Variants in LMNA observed in about 807,000 individuals in gnomAD.
LMNA encodes lamin.
Under a neutral mutation model 70.4 loss-of-function variants are expected in LMNA, and 20 were observed. The observed-to-expected ratio is 0.28, with a 90% CI of 0.20 to 0.41. LMNA has a LOEUF of 0.41. Among genes scored for constraint, LMNA ranks in the 10% least tolerant of loss-of-function variants. The probability of loss-of-function intolerance (pLI) is 1.00; values close to 1 mark genes in which losing one functional copy is unlikely to be tolerated. For missense variants in LMNA, 652 were observed against 917.2 expected (o/e 0.71, Z 3.73); for synonymous variants, 339 against 372.8 (o/e 0.91, Z 1.04).
chr1:156,106,108 C>A (rs901049540), intron 3 of LMNA, among the ~76,000 whole-genome samples: 3 of 151,510 alleles, frequency 2.0e-5, no homozygotes, highest in Admixed American at 6.6e-5. Flanking sequence ...ACACTCCAGC[C>A]TGGGAGACAC....
At chr1:156,129,210 T>C (rs1572350814) in intron 1 of LMNA, among the ~76,000 whole-genome samples, 1 of 152,238 alleles carries the variant, frequency 6.6e-6, no homozygotes, top group South Asian at 2.1e-4. Context: ...ACTGAGCAAG[T>C]GTGCAGGCTG....
intron 2 of LMNA, among the ~76,000 whole-genome samples, chr1:156,084,340 G>GCGGGGA: frequency 7.9e-6 from 1 of 126,234 alleles, no homozygotes; most frequent in Non-Finnish European, 1.7e-5. Flanking sequence ...GGGGGTGGTG[G>GCGGGGA]GGGCAGTTGG....
At chr1:156,127,779 C>T (rs1217642198) in intron 1 of LMNA, among the ~76,000 whole-genome samples, 1 of 151,850 alleles carries the variant, frequency 6.6e-6, no homozygotes, top group Non-Finnish European at 1.5e-5. Context: ...CTCCGCCTCC[C>T]AGGCTCAAGC....
chr1:156,114,965 C>G lies in LMNA; in HGVS notation c.47C>G (p.Ala16Gly). The G allele has an allele frequency of 6.3e-7, 1 of 1,587,468 alleles. No individual in the cohort carries two copies. The highest frequency in any genetic ancestry group is 8.6e-7 in the Non-Finnish European group (1 of 1,167,458). Residue 16 changes from alanine (A) to glycine (G), a missense_variant, in exon 1 of 12, where the codon GCC becomes GGC. By Grantham distance (60) the Ala-to-Gly change is moderately conservative. Transcript: ENST00000368300. The part of the protein sequence containing the change: ...QRRATRSGAQ[A>G]SSTPLSPTRI... ...CGCGCCACCCGCAGCGGGGCGCAGGCCAGCTCCACTCCGCTGTCGCCCACC... is the reference window on the plus strand; with the variant it reads ...CGCGCCACCCGCAGCGGGGCGCAGGGCAGCTCCACTCCGCTGTCGCCCACC...
intron 3 of LMNA, among the ~76,000 whole-genome samples, chr1:156,095,930 T>C (rs1174176818): frequency 6.6e-6 from 1 of 152,222 alleles, no homozygotes; most frequent in Non-Finnish European, 1.5e-5. Context: ...GGGTATGGAT[T>C]GGCTCCAGCT....
chr1:156,088,826 T>A (rs1309943770), intron 2 of LMNA, among the ~76,000 whole-genome samples: 1 of 151,950 alleles, frequency 6.6e-6, no homozygotes, highest in Non-Finnish European at 1.5e-5. Flanking sequence ...CTTGTTTTTG[T>A]TATTTTTAGT....
intron 1 of LMNA, among the ~76,000 whole-genome samples, chr1:156,122,013 A>G (rs548459064): frequency 6.6e-6 from 1 of 152,140 alleles, no homozygotes; most frequent in African/African-American, 2.4e-5. Flanking sequence ...AAAATTAACC[A>G]GAAATCGCTT....
At chr1:156,114,014 C>T (rs1038995039), upstream of LMNA, among the ~76,000 whole-genome samples, 4 of 152,034 alleles carry the variant, frequency 2.6e-5, no homozygotes, top group East Asian at 3.9e-4. Context: ...GGTCTAAAAA[C>T]GAATGCTTGG....
chr1:156,093,731 C>G (rs994611155), intron 3 of LMNA: 6 of 152,226 alleles, frequency 3.9e-5, no homozygotes, highest in Admixed American at 2.0e-4. Context: ...TCTTTGAGAA[C>G]AGGGATTGGA....
chr1:156,104,011 C>G (rs551242780), intron 3 of LMNA, among the ~76,000 whole-genome samples: 18 of 152,332 alleles, frequency 1.2e-4, no homozygotes, highest in African/African-American at 1.9e-4. Flanking sequence ...TTGGCTCCCC[C>G]CTTCACAGCC....
In LMNA at chr1:156,138,459, T is replaced by A. The variant is rs1651852861; in HGVS notation, c.1699-29T>A. Reference sequence around the variant, plus strand: ...TGAGTGGTCAGTCCCAGACTCGCCGTCCCGCCTGAGCCTTGTCTCCCTTCC... The same window carrying A: ...TGAGTGGTCAGTCCCAGACTCGCCGACCCGCCTGAGCCTTGTCTCCCTTCC... On this transcript the variant is annotated intron_variant, in intron 10 of 11. Coordinates refer to ENST00000368300, the MANE Select transcript of LMNA (RefSeq NM_170707.4). The surrounding 1 kb of genome is among the most constrained non-coding windows in gnomAD (Gnocchi z 5.5). The A allele has an allele frequency of 6.2e-7, 1 of 1,607,314 alleles. No individual in the cohort carries two copies. The highest frequency in any genetic ancestry group is 1.1e-5 in the South Asian group (1 of 90,104).
intron 2 of LMNA, among the ~76,000 whole-genome samples, chr1:156,086,978 G>A (rs1648504190): frequency 6.6e-6 from 1 of 151,952 alleles, no homozygotes; most frequent in Non-Finnish European, 1.5e-5. Flanking sequence ...GCACTTCTGG[G>A]CACCTGTTAT....
At chr1:156,114,091 G>A (rs1649643896), upstream of LMNA, among the ~76,000 whole-genome samples, 1 of 152,158 alleles carries the variant, frequency 6.6e-6, no homozygotes, top group Non-Finnish European at 1.5e-5. Context: ...CTTGATCCCT[G>A]GCCCCAAACT....
rs144740174 is a variant in LMNA at position 156,137,225 on chromosome 1, C to G, written c.1601C>G (p.Thr534Ser). 4 of 1,584,008 alleles carry G rather than the reference C, an allele frequency of 2.5e-6. No homozygotes were observed. Among genetic ancestry groups the G allele is most frequent in the Non-Finnish European group, 2.6e-6 (3 of 1,167,406 alleles). The part of the protein sequence containing the change: ...NSLRTALINS[T>S]GEEVAMRKLV... ...CTGCGTACGGCTCTCATCAACTCCA[C>G]TGGGGAAGTAAGTAGGCCTGGGCCT... is the stretch of plus-strand genomic sequence containing the variant. Residue 534 changes from threonine (T) to serine (S), a missense_variant, in exon 9 of 12, where the codon ACT becomes AGT. By Grantham distance (58) the Thr-to-Ser change is moderately conservative. This residue lies in a region of LMNA where 327 missense variants were observed against 387.6 expected (regional missense o/e 0.84). Transcript: ENST00000368300. This position sits in a 1 kb window ranked among gnomAD's most constrained non-coding sequence, Gnocchi z 4.6.
rs1572323165 is a variant in LMNA, at chr1:156,103,386, C to A, written c.-206-11327C>A. Among the ~76,000 whole-genome samples, 1 of 152,228 alleles carries A rather than the reference C, an allele frequency of 6.6e-6. No individual in the cohort carries two copies. The highest frequency in any genetic ancestry group is 1.9e-4 in the East Asian group (1 of 5,180). ...CAAGGAAGAGGGCCCCCAGTATGCC[C>A]CTCTTGTGTGCTGGGCCCTCGCACT... On this transcript the variant is annotated intron_variant, in intron 3 of 12. Transcript: ENST00000368301. This position sits in a 1 kb window ranked among gnomAD's most constrained non-coding sequence, Gnocchi z 4.7.
chr1:156,108,856 G>T (rs1379535368), intron 3 of LMNA, among the ~76,000 whole-genome samples: 1 of 152,164 alleles, frequency 6.6e-6, no homozygotes. Context: ...GGGGATGTTA[G>T]GCAATGCCTG....
upstream of LMNA, among the ~76,000 whole-genome samples, chr1:156,111,426 G>T (rs551318606): frequency 1.3e-5 from 2 of 150,936 alleles, no homozygotes; most frequent in East Asian, 3.9e-4. Flanking sequence ...TTCAGCCTGG[G>T]TGACAAGAGC....
intron 1 of LMNA, among the ~76,000 whole-genome samples, chr1:156,125,950 C>T (rs1650536315): frequency 6.6e-6 from 1 of 151,854 alleles, no homozygotes; most frequent in East Asian, 1.9e-4. Flanking sequence ...ACCTGGGCGA[C>T]AGAATGAGAC....
Position 156,134,372 on chromosome 1 carries a change from CT to C in LMNA, c.514-27del. The C allele has an allele frequency of 1.2e-6, 2 of 1,613,230 alleles. No homozygotes were observed. On this transcript the variant is annotated intron_variant, in intron 2 of 11. Transcript: ENST00000368300. The surrounding 1 kb of genome is among the most constrained non-coding windows in gnomAD (Gnocchi z 5.3). ...TTCCAGTTCTTGTGTTCTGTGACCC[CT>C]TTTCCTCATCTCTGCCTGCTTCCTC...
Sources: allele counts gnomAD v4.1 joint callset (sites outside exome capture counted in the v4.1 genomes callset), GRCh38; gene constraint gnomAD v4.1.1; regional missense constraint gnomAD v4.1.1; non-coding constraint Gnocchi (gnomAD v3.1); transcripts MANE v1.5; gene names NCBI Gene and HGNC (gene_info 2026-07-23, HGNC 2026-07-21).